OR2T2: variants seen among roughly 807,000 people sequenced by gnomAD.
The protein encoded by OR2T2 is olfactory receptor 2T2.
For missense variants in OR2T2, 138 were observed against 409.1 expected (o/e 0.34, Z 5.72); for synonymous variants, 50 against 162.7 (o/e 0.31, Z 5.27).
intron 2 of OR2T2, among the ~76,000 whole-genome samples, chr1:248,451,505 T>TA (rs1662799229): frequency 8.2e-6 from 1 of 122,328 alleles, no homozygotes; most frequent in East Asian, 2.3e-4. Context: ...GACAAAGTCT[T>TA]ACTCTTGTCC....
At chr1:248,446,373 G>T (rs1476207673) in intron 1 of OR2T2, among the ~76,000 whole-genome samples, 7 of 145,050 alleles carry the variant, frequency 4.8e-5, no homozygotes, top group Admixed American at 4.7e-4. Flanking sequence ...GTATAATAAT[G>T]AGTGCATTGT....
At chr1:248,450,044 TGAC>T (rs1662757220) in intron 2 of OR2T2, among the ~76,000 whole-genome samples, 1 of 145,070 alleles carries the variant, frequency 6.9e-6, no homozygotes, top group South Asian at 2.1e-4. Context: ...AAGTAACTGA[TGAC>T]ATGTTTTGTC....
At chr1:248,447,618 C>A (rs1413023826) in intron 2 of OR2T2, among the ~76,000 whole-genome samples, 1 of 151,222 alleles carries the variant, frequency 6.6e-6, no homozygotes, top group Non-Finnish European at 1.5e-5. Flanking sequence ...TGTCCTCTCT[C>A]CTTCAGTCTC....
At chr1:248,446,267 T>C (rs1419123291) in intron 1 of OR2T2, among the ~76,000 whole-genome samples, 2 of 144,424 alleles carry the variant, frequency 1.4e-5, no homozygotes, top group East Asian at 3.9e-4. Flanking sequence ...AGAGGTCTCC[T>C]AGAAGCCATC....
intron 2 of OR2T2, among the ~76,000 whole-genome samples, chr1:248,451,951 G>GATT (rs1161444020): frequency 1.0e-5 from 1 of 98,110 alleles, no homozygotes; most frequent in African/African-American, 7.2e-5. Flanking sequence ...TTTAAGATGA[G>GATT]GTCATGATTG....
At chr1:248,448,081 C>T (rs1397191053) in intron 2 of OR2T2, among the ~76,000 whole-genome samples, 2 of 152,214 alleles carry the variant, frequency 1.3e-5, no homozygotes, top group African/African-American at 2.4e-5. Flanking sequence ...GTTCAAGTAA[C>T]TCAGTTTTTC....
At chr1:248,446,534 T>TCACCTCACCTCACCTCTCCA (rs1384626570) in intron 1 of OR2T2, 55 bp from the exon 2 acceptor site, 1 of 96,068 alleles carries the variant, frequency 1.0e-5, no homozygotes, top group Non-Finnish European at 2.3e-5. Flanking sequence ...TCACCTCGCC[T>TCACCTCACCTCACCTCTCCA]CTGCTGCTCC....
exon 3 of OR2T2, chr1:248,453,858 A>C: frequency 1.3e-6 from 2 of 1,521,138 alleles, no homozygotes; most frequent in South Asian, 2.3e-5. Context: ...GTGACTGATC[A>C]GGAAGGACTA....
intron 1 of OR2T2, 150 bp downstream of exon 1, chr1:248,445,819 C>T (rs1293296578): frequency 6.6e-6 from 1 of 151,336 alleles, no homozygotes; most frequent in East Asian, 1.9e-4. Context: ...CAAGATTAAG[C>T]ATAAATAACA....
chr1:248,447,866 T>G, intron 2 of OR2T2, among the ~76,000 whole-genome samples: 1 of 149,352 alleles, frequency 6.7e-6, no homozygotes, highest in East Asian at 2.0e-4. Context: ...TAGTTTTAGT[T>G]AACCTGCAAT....
At chr1:248,450,502 A>G (rs1662772444) in intron 2 of OR2T2, among the ~76,000 whole-genome samples, 1 of 150,024 alleles carries the variant, frequency 6.7e-6, no homozygotes, top group South Asian at 2.1e-4. Context: ...TATCATAGAC[A>G]TTTGAGGCAA....
At chr1:248,446,407 CCTTG>C (rs1439289879) in intron 1 of OR2T2, among the ~76,000 whole-genome samples, 178 bp from the exon 2 acceptor site, 3 of 144,362 alleles carry the variant, frequency 2.1e-5, no homozygotes, top group African/African-American at 8.5e-5. Context: ...GGTGTCTGCC[CCTTG>C]CTTCAGCTCA....
intron 2 of OR2T2, among the ~76,000 whole-genome samples, chr1:248,447,843 A>G (rs1662701543): frequency 6.6e-6 from 1 of 151,320 alleles, no homozygotes; most frequent in African/African-American, 2.4e-5. Flanking sequence ...TCTCTTTAAC[A>G]CTTTCATTTC....
In OR2T2 at chr1:248,446,816, G is replaced by A. The variant is rs1217228233; in HGVS notation, c.-23+5G>A. Reference sequence around the variant, plus strand: ...ATCCTTGACAATGTAGTTTAGGTAAGTTGGCATGTAGCATTAAAACCTGTA... The same window carrying A: ...ATCCTTGACAATGTAGTTTAGGTAAATTGGCATGTAGCATTAAAACCTGTA... On this transcript the variant is annotated splice_donor_5th_base_variant and intron_variant, in intron 2 of 2. Transcript: ENST00000642130. 4 of 148,840 alleles carry A rather than the reference G, an allele frequency of 2.7e-5. No individual in the cohort carries two copies. Among genetic ancestry groups the A allele is most frequent in the Admixed American group, 2.6e-4 (4 of 15,208 alleles). The allele number at this position is 148,840 out of a possible 1,614,324, so 9.2% of individuals were successfully genotyped here.
exon 3 of OR2T2, chr1:248,453,653 C>T (rs756402015): frequency 1.3e-6 from 2 of 1,599,110 alleles, no homozygotes; most frequent in South Asian, 2.2e-5. Context: ...CACCCCCATG[C>T]TCAACCCACT....
rs1249283731 is a variant in OR2T2 at position 248,450,385 on chromosome 1, T to G, written c.-22-2391T>G. Reference sequence around the variant, plus strand: ...TAACACGGTCTCGGTTGTATAAAAATGAGGTGGCTAAAATCATATCTTTCT... The same window carrying G: ...TAACACGGTCTCGGTTGTATAAAAAGGAGGTGGCTAAAATCATATCTTTCT... On this transcript the variant is annotated intron_variant, in intron 2 of 2. Transcript: ENST00000642130. Among the ~76,000 whole-genome samples, 1,433 of 144,256 alleles carry G rather than the reference T, an allele frequency of 9.9e-3. 27 individuals carry two copies. Among genetic ancestry groups the G allele is most frequent in the African/African-American group, 0.039 (1,362 of 34,594 alleles). The allele number at this position is 144,256 out of a possible 152,430, so 94.6% of individuals were successfully genotyped here.
At chr1:248,447,248 G>A (rs1298685339) in intron 2 of OR2T2, among the ~76,000 whole-genome samples, 2 of 150,958 alleles carry the variant, frequency 1.3e-5, no homozygotes, top group African/African-American at 2.5e-5. Flanking sequence ...AGTAGCTTGT[G>A]TAGGTAGAAG....
exon 2 of OR2T2, chr1:248,446,644 C>T (rs1572907203): frequency 6.8e-6 from 1 of 148,012 alleles, no homozygotes; most frequent in South Asian, 2.1e-4. Context: ...TTCTATTTGC[C>T]ACCACACGAA....
chr1:248,453,791 C>T, exon 3 of OR2T2: 2 of 1,511,618 alleles, frequency 1.3e-6, no homozygotes, highest in Admixed American at 1.8e-5. Flanking sequence ...CCCACAGCAT[C>T]AGAGTGGTGA....
Sources: allele counts gnomAD v4.1 joint callset (sites outside exome capture counted in the v4.1 genomes callset), GRCh38; gene constraint gnomAD v4.1.1; transcripts MANE v1.5; gene names NCBI Gene and HGNC (gene_info 2026-07-23, HGNC 2026-07-21).